PGM2: variants seen among roughly 807,000 people sequenced by gnomAD.
The protein encoded by PGM2 is phosphopentomutase.
In PGM2, 57 loss-of-function variants were observed where a neutral mutation model predicts 74.6. That is an observed-to-expected ratio of 0.76 (90% CI 0.62 to 0.95). The LOEUF (loss-of-function observed/expected upper bound fraction) is 0.95. PGM2 is among the 40% of genes least tolerant of loss of function. PGM2 has a pLI of 0.00. For synonymous variants in PGM2, 273 were observed against 260.7 expected, an observed-to-expected ratio of 1.05 and a Z score of -0.46; for missense variants, 706 against 741.9, an observed-to-expected ratio of 0.95 and a Z score of 0.56.
At position 37,834,712 on chromosome 4, in the gene PGM2, G is replaced by A. The variant is rs761649243; in HGVS notation, c.344G>A (p.Gly115Asp). ...FDARAHPSSGGSSRRFARLAA... is the reference protein window; with the variant it reads ...FDARAHPSSGDSSRRFARLAA... ...GCCCGAGCTCATCCATCCAGTGGGGGTAGCAGCAGAAGGTATTTAAACATT... is the reference window on the plus strand; with the variant it reads ...GCCCGAGCTCATCCATCCAGTGGGGATAGCAGCAGAAGGTATTTAAACATT... The change falls in exon 3 of 14, where the codon GGT (glycine) becomes GAT (aspartate). Residue 115 changes from glycine to aspartate, a missense_variant. Transcript: ENST00000381967. 4.0e-6 allele frequency: 6 copies of A among 1,481,986 alleles called. No individual in the cohort carries two copies. In the South Asian group the frequency reaches 4.6e-5, roughly 11 times the overall value. The allele number at this position is 1,481,986 out of a possible 1,614,324, so 91.8% of individuals were successfully genotyped here.
chr4:37,840,748 A>G (rs1725686432), intron 6 of PGM2, among the ~76,000 whole-genome samples: 2 of 152,276 alleles, frequency 1.3e-5, no homozygotes, highest in South Asian at 4.1e-4. Flanking sequence ...AGGGACAGAT[A>G]GTAAATATTT....
intron 2 of PGM2, among the ~76,000 whole-genome samples, chr4:37,834,303 C>T (rs1376473381): frequency 7.9e-5 from 12 of 151,492 alleles, no homozygotes; most frequent in Admixed American, 7.9e-4. Context: ...GCCATTGCAA[C>T]TCCAGCCTAG....
rs764352865 is a variant in PGM2, at chr4:37,837,455, A to G, written c.357-74A>G. 6.2e-5 allele frequency: 54 copies of G among 871,808 alleles called. 1 individual carries two copies. The highest frequency in any genetic ancestry group is 6.2e-4 in the South Asian group (47 of 76,254). 54.0% of individuals were successfully genotyped at this position (871,808 alleles called of 1,614,324 possible). A position where few individuals can be genotyped will look rare whatever the true frequency, so the allele number is the denominator to read the frequency against. Reference sequence around the variant, plus strand: ...TCACCCTAAAGAACATTCAGCATTCATTTCCTTCTTTCCATCACTCACAGT... The same window carrying G: ...TCACCCTAAAGAACATTCAGCATTCGTTTCCTTCTTTCCATCACTCACAGT... On this transcript the variant is annotated intron_variant, in intron 3 of 13. Transcript: ENST00000381967.
chr4:37,827,726 T>A (rs1045165273), intron 1 of PGM2, among the ~76,000 whole-genome samples: 1 of 152,184 alleles, frequency 6.6e-6, no homozygotes, highest in East Asian at 1.9e-4. Flanking sequence ...AAAACACTTG[T>A]TTGTAGGTTT....
At chr4:37,861,479 G>C (rs767596634) in intron 13 of PGM2, 31 bp from the exon 14 acceptor site, 29 of 1,444,522 alleles carry the variant, frequency 2.0e-5, no homozygotes, top group Non-Finnish European at 2.8e-5. Flanking sequence ...ATAATCCCTT[G>C]ACCTGGATTT....
At chr4:37,861,140 A>G (rs1711757227) in intron 13 of PGM2, among the ~76,000 whole-genome samples, 1 of 152,282 alleles carries the variant, frequency 6.6e-6, no homozygotes, top group South Asian at 2.1e-4. Flanking sequence ...AAAGTTTAGC[A>G]GGATTTAATG....
chr4:37,846,541 A>G (rs1275552544), intron 8 of PGM2, among the ~76,000 whole-genome samples: 1 of 152,218 alleles, frequency 6.6e-6, no homozygotes, highest in African/African-American at 2.4e-5. Flanking sequence ...AGAATCAGCA[A>G]TACTGACCAG....
At chr4:37,846,286 A>G (rs1725869177) in intron 8 of PGM2, among the ~76,000 whole-genome samples, 1 of 152,052 alleles carries the variant, frequency 6.6e-6, no homozygotes, top group African/African-American at 2.4e-5. Context: ...CAGGTAGCCT[A>G]TGTGATGTTT....
chr4:37,849,949 G>A (rs1047905629), intron 11 of PGM2, among the ~76,000 whole-genome samples: 42 of 151,900 alleles, frequency 2.8e-4, no homozygotes, highest in African/African-American at 9.9e-4. Context: ...CACCATACCC[G>A]GCTAATTTTT....
chr4:37,852,172 C>G (rs1577682079), intron 12 of PGM2, among the ~76,000 whole-genome samples: 1 of 116,068 alleles, frequency 8.6e-6, no homozygotes, highest in African/African-American at 3.3e-5. Context: ...AGGGACGAGT[C>G]TCTCCCTAGG....
chr4:37,850,049 A>G (rs960674542), intron 11 of PGM2, 135 bp from the exon 12 acceptor site: 18 of 545,980 alleles, frequency 3.3e-5, no homozygotes, highest in Non-Finnish European at 5.4e-5. Flanking sequence ...CGGCCTCACA[A>G]AGTGCTGGGA....
At position 37,830,132 on chromosome 4, in the gene PGM2, GTACCATGTTTTT is replaced by G; in HGVS notation, c.249+4_249+15del. 3.9e-6 allele frequency: 6 copies of G among 1,540,236 alleles called. No homozygotes were observed. Among genetic ancestry groups the G allele is most frequent in the Non-Finnish European group, 5.2e-6 (6 of 1,145,648 alleles). On this transcript the variant is annotated splice_donor_variant and splice_donor_5th_base_variant and intron_variant, in intron 2 of 13. Transcript: ENST00000381967. LOFTEE classifies it high-confidence loss of function. The stretch of plus-strand genomic sequence containing the variant: ...CTTGACCATCATCCAGACTACACAG[GTACCATGTTTTT>G]TATAATTCTTAGTAACTCAATGTAT...
At position 37,834,686 on chromosome 4, in the gene PGM2, C is replaced by T. The variant is rs373721082; in HGVS notation, c.318C>T (p.Asp106=). The change falls in exon 3 of 14, where the codon GAC becomes GAT. Residue 106 remains aspartate (D), a synonymous_variant. Transcript: ENST00000381967. ...LKQKGIVISF[D]ARAHPSSGGS... ...AGAAAGGCATCGTGATCAGTTTTGA[C>T]GCCCGAGCTCATCCATCCAGTGGGG... 4.3e-5 allele frequency: 68 copies of T among 1,593,186 alleles called. No individual in the cohort carries two copies. Among genetic ancestry groups the T allele is most frequent in the Admixed American group, 1.9e-4 (11 of 59,404 alleles).
chr4:37,850,122 T>A (rs1484787038), intron 11 of PGM2, 62 bp from the exon 12 acceptor site: 3 of 947,134 alleles, frequency 3.2e-6, no homozygotes, highest in Non-Finnish European at 4.9e-6. Flanking sequence ...TGGTACATGT[T>A]CTGTGTCCAC....
intron 2 of PGM2, among the ~76,000 whole-genome samples, chr4:37,834,239 TA>T (rs33933082): frequency 0.33 from 50,488 of 151,598 alleles, 11,097 homozygotes; most frequent in African/African-American, 0.63. Context: ...GAGGCTGAGG[TA>T]GGGGGGGATT....
At chr4:37,856,364 G>T (rs867648286) in intron 13 of PGM2, among the ~76,000 whole-genome samples, 1 of 152,050 alleles carries the variant, frequency 6.6e-6, no homozygotes, top group Non-Finnish European at 1.5e-5. Flanking sequence ...CAGCCTGGGC[G>T]ACAGAGCGAG....
chr4:37,852,565 C>T (rs578133912), intron 12 of PGM2, among the ~76,000 whole-genome samples: 3 of 152,236 alleles, frequency 2.0e-5, no homozygotes, highest in Admixed American at 6.5e-5. Flanking sequence ...CATTTAAGTC[C>T]GAAAATGTCT....
At position 37,826,695 on chromosome 4, in the gene PGM2, C is replaced by T. The variant is rs1268013500; in HGVS notation, c.-38C>T. The T allele has an allele frequency of 9.3e-6, 14 of 1,505,662 alleles. No homozygotes were observed. Among genetic ancestry groups the T allele is most frequent in the South Asian group, 3.6e-5 (3 of 83,160 alleles). 93.3% of individuals were successfully genotyped at this position (1,505,662 alleles called of 1,614,324 possible). On this transcript the variant is annotated 5_prime_UTR_variant, in exon 1 of 14. Transcript: ENST00000381967. ...GGCCGGGCCGGAAGGCAGATCTCAC[C>T]GCCTGCTTCCCTCTGCAGCGGTAGC...
At chr4:37,836,252 C>CA (rs1213229850) in intron 3 of PGM2, among the ~76,000 whole-genome samples, 1 of 152,170 alleles carries the variant, frequency 6.6e-6, no homozygotes, top group East Asian at 1.9e-4. Flanking sequence ...GTTCAAGTCT[C>CA]AGAGTTTGAT....
Sources: gnomAD v4.1 joint callset for allele counts (sites outside exome capture counted in the v4.1 genomes callset) on GRCh38, gnomAD v4.1.1 for gene constraint, MANE v1.5 for transcripts, NCBI Gene and HGNC (gene_info 2026-07-23, HGNC 2026-07-21) for gene names.